The following FBXL14 variants were observed in gnomAD, a reference collection of about 807,000 sequenced individuals.
FBXL14 encodes the protein F-box/LRR-repeat protein 14.
In FBXL14, 11 loss-of-function variants were observed where a neutral mutation model predicts 24.5. That is an observed-to-expected ratio of 0.45 (90% CI 0.28 to 0.74). FBXL14 has a LOEUF of 0.74. FBXL14 is among the 30% of genes least tolerant of loss of function. The pLI is 0.12. For synonymous variants in FBXL14, 294 were observed against 240.4 expected, an observed-to-expected ratio of 1.22 and a Z score of -2.06; for missense variants, 384 against 545.6, an observed-to-expected ratio of 0.70 and a Z score of 2.95.
rs138079678 is a variant in FBXL14, at chr12:1,586,494, G to A, written c.1194+6379C>T. On this transcript the variant is annotated intron_variant, in intron 1 of 1. Transcript: ENST00000339235. ...GTAGCTGGGACTACAGATGTGTGCC[G>A]TGCCTGGCTTGGTGCCACACATCTC... is the stretch of plus-strand genomic sequence containing the variant. Among the ~76,000 whole-genome samples, 265 of 152,246 alleles carry A rather than the reference G, an allele frequency of 1.7e-3. 1 individual carries two copies. Among genetic ancestry groups the A allele is most frequent in the African/African-American group, 5.8e-3 (241 of 41,550 alleles).
At chr12:1,568,944 G>T (rs2094440754) in intron 1 of FBXL14, among the ~76,000 whole-genome samples, 2 of 152,264 alleles carry the variant, frequency 1.3e-5, no homozygotes, top group South Asian at 4.1e-4. Context: ...GATATAAATT[G>T]TGCTTCTGTC....
intron 1 of FBXL14, among the ~76,000 whole-genome samples, chr12:1,588,040 T>TC (rs2094480562): frequency 6.6e-6 from 1 of 152,200 alleles, no homozygotes; most frequent in Non-Finnish European, 1.5e-5. Context: ...CTATAGTCCC[T>TC]CCCTTTCTAC....
At chr12:1,587,872 A>G (rs1161822568) in intron 1 of FBXL14, among the ~76,000 whole-genome samples, 2 of 152,194 alleles carry the variant, frequency 1.3e-5, no homozygotes, top group Non-Finnish European at 1.5e-5. Context: ...ACATTATTTC[A>G]TCAAAAAGCC....
Position 1,567,316 on chromosome 12 carries a change from A to G in FBXL14, c.1195-506T>C, listed in dbSNP as rs1286743506. 6.6e-6 allele frequency among the ~76,000 whole-genome samples: 1 copy of G among 152,010 alleles called. No individual in the cohort carries two copies. Among genetic ancestry groups the G allele is most frequent in the Non-Finnish European group, 1.5e-5 (1 of 67,988 alleles). On this transcript the variant is annotated intron_variant, in intron 1 of 1. Transcript: ENST00000339235. This position sits in a 1 kb window ranked among gnomAD's most constrained non-coding sequence, Gnocchi z 4.8. ...CATCTCTACTAAAAATAAAAATTAA[A>G]AAAAAGGAAAAGAAAGAAAAGAAAA...
At chr12:1,587,261 A>T (rs2094478806) in intron 1 of FBXL14, 1 of 152,102 alleles carries the variant, frequency 6.6e-6, no homozygotes, top group Non-Finnish European at 1.5e-5. Context: ...AAAAAAAAAA[A>T]AAATTGAAGT....
intron 1 of FBXL14, among the ~76,000 whole-genome samples, chr12:1,582,128 AAAGGAAGGAAGGAAGG>A (rs113876889): frequency 3.4e-5 from 5 of 147,836 alleles, no homozygotes; most frequent in African/African-American, 1.0e-4. Context: ...TGTCGAAAGA[AAAGGAAGGAAGGAAGG>A]AAGGAAGGAA....
chr12:1,568,595 G>A (rs10848521), intron 1 of FBXL14, among the ~76,000 whole-genome samples: 43,661 of 152,024 alleles, frequency 0.29, 6,482 homozygotes, highest in South Asian at 0.35. Flanking sequence ...ATACTTATGT[G>A]TAAGGGAAAT....
rs1026678118 is a variant in FBXL14, at chr12:1,567,090, C to T, written c.1195-280G>A. 3.9e-4 allele frequency among the ~76,000 whole-genome samples: 60 copies of T among 152,184 alleles called. No individual in the cohort carries two copies. Among genetic ancestry groups the T allele is most frequent in the African/African-American group, 1.3e-3 (53 of 41,534 alleles). On this transcript the variant is annotated intron_variant, in intron 1 of 1. Coordinates refer to ENST00000339235, the MANE Select transcript of FBXL14 (RefSeq NM_152441.3). This position sits in a 1 kb window ranked among gnomAD's most constrained non-coding sequence, Gnocchi z 4.8. ...TAGACTATAGAGTAGACCTTCCCAC[C>T]GCACACTCACGGCCTCTTTACAGCA...
chr12:1,585,374 G>A (rs2094474538), intron 1 of FBXL14, among the ~76,000 whole-genome samples: 2 of 151,294 alleles, frequency 1.3e-5, no homozygotes. Context: ...CTCCAGCCTG[G>A]GCGACAGAGC....
chr12:1,575,953 G>A (rs1401643574), intron 1 of FBXL14, among the ~76,000 whole-genome samples: 2 of 152,190 alleles, frequency 1.3e-5, no homozygotes, highest in African/African-American at 2.4e-5. Context: ...TGCTGAGGAA[G>A]CCTGCCTGGA....
intron 1 of FBXL14, among the ~76,000 whole-genome samples, chr12:1,586,684 T>C (rs2094477302): frequency 6.6e-6 from 1 of 152,206 alleles, no homozygotes. Context: ...TCTTTTCCCA[T>C]TTATAAAATT....
chr12:1,592,886 G>A lies in FBXL14; in HGVS notation c.1181C>T (p.Thr394Met). Residue 394 changes from threonine to methionine, a missense_variant, in exon 1 of 2, where the codon ACG becomes ATG. Transcript: ENST00000339235. ...CCCTCACCTGACCTTCTCACTGTCC[G>A]TCATCTGCCAGAGTCCCAGGTTGAG... ...KVLNLGLWQM[T>M]DSEKEARGDF... 6.4e-7 allele frequency: 1 copy of A among 1,572,728 alleles called. No individual in the cohort carries two copies. The highest frequency in any genetic ancestry group is 8.7e-7 in the Non-Finnish European group (1 of 1,154,360).
chr12:1,573,868 G>A (rs1463810478), intron 1 of FBXL14, among the ~76,000 whole-genome samples: 1 of 152,186 alleles, frequency 6.6e-6, no homozygotes, highest in African/African-American at 2.4e-5. Context: ...AGCTGGGCGT[G>A]GTGGCGCATG....
At chr12:1,568,002 TGAAATG>T (rs1377786932) in intron 1 of FBXL14, among the ~76,000 whole-genome samples, 2 of 152,330 alleles carry the variant, frequency 1.3e-5, no homozygotes, top group East Asian at 3.9e-4. Flanking sequence ...AAGAAATACT[TGAAATG>T]GTAATGACAG....
chr12:1,571,713 T>G lies in FBXL14; in HGVS notation c.1195-4903A>C, dbSNP rs573392534. Reference sequence around the variant, plus strand: ...TAACAGATGCTGGGGTTTTCCTAGATTTCTCACCAGCAAGGTTACTGCAAG... The same window carrying G: ...TAACAGATGCTGGGGTTTTCCTAGAGTTCTCACCAGCAAGGTTACTGCAAG... On this transcript the variant is annotated intron_variant, in intron 1 of 1. Coordinates refer to ENST00000339235, the MANE Select transcript of FBXL14 (RefSeq NM_152441.3). Among the ~76,000 whole-genome samples, 259 of 152,322 alleles carry G rather than the reference T, an allele frequency of 1.7e-3. 1 individual carries two copies. Among genetic ancestry groups the G allele is most frequent in the African/African-American group, 5.9e-3 (246 of 41,560 alleles).
Position 1,594,317 on chromosome 12 carries a change from G to A in FBXL14, c.-251C>T, listed in dbSNP as rs1373496334. Among the ~76,000 whole-genome samples the A allele has an allele frequency of 2.1e-5, 3 of 145,458 alleles. No individual in the cohort carries two copies. The highest frequency in any genetic ancestry group is 7.4e-5 in the African/African-American group (3 of 40,276). ...CCCTCCCCCGCCCCGGGCTCCGCAC[G>A]GCGCTCACATCCCGGGCGGGGAAGG... On this transcript the variant is annotated 5_prime_UTR_variant, in exon 1 of 2. Coordinates refer to ENST00000339235, the MANE Select transcript of FBXL14 (RefSeq NM_152441.3).
In FBXL14 at chr12:1,582,896, G is replaced by C. The variant is rs75895829; in HGVS notation, c.1194+9977C>G. Among the ~76,000 whole-genome samples, 1,258 of 152,266 alleles carry C rather than the reference G, an allele frequency of 8.3e-3. 18 individuals are homozygous for C. Among genetic ancestry groups the C allele is most frequent in the African/African-American group, 0.029 (1,206 of 41,562 alleles). On this transcript the variant is annotated intron_variant, in intron 1 of 1. Transcript: ENST00000339235. ...CGAAGGCCTCTCCTGCCCTCAGCCTGTCTCTTCTTGTGCCATTCTACGGAA... is the reference window on the plus strand; with the variant it reads ...CGAAGGCCTCTCCTGCCCTCAGCCTCTCTCTTCTTGTGCCATTCTACGGAA...
At chr12:1,589,854 T>C (rs922942028) in intron 1 of FBXL14, among the ~76,000 whole-genome samples, 8 of 152,216 alleles carry the variant, frequency 5.3e-5, no homozygotes, top group Non-Finnish European at 1.0e-4. Context: ...TGCCGACCTT[T>C]AGTCAAGCGT....
At position 1,593,191 on chromosome 12, in the gene FBXL14, C is replaced by A. The variant is rs972951159; in HGVS notation, c.876G>T (p.Val292=). The A allele has an allele frequency of 6.2e-7, 1 of 1,613,366 alleles. No individual in the cohort carries two copies. ...CTATGTAAGCCAGACTCTGGTCTCC[C>A]ACCTTGTCACAGAACGAAACATCCA... The part of the protein sequence containing the change: ...SGLDVSFCDK[V]GDQSLAYIAQ... Residue 292 remains valine, a synonymous_variant, in exon 1 of 2, where the codon GTG becomes GTT. Coordinates refer to ENST00000339235, the MANE Select transcript of FBXL14 (RefSeq NM_152441.3). This position sits in a 1 kb window ranked among gnomAD's most constrained non-coding sequence, Gnocchi z 7.4.
Sources: allele counts gnomAD v4.1 joint callset (sites outside exome capture counted in the v4.1 genomes callset), GRCh38; gene constraint gnomAD v4.1.1; non-coding constraint Gnocchi (gnomAD v3.1); transcripts MANE v1.5; gene names NCBI Gene and HGNC (gene_info 2026-07-23, HGNC 2026-07-21).